The following ATP10A variants were observed in gnomAD, a reference collection of about 807,000 sequenced individuals.
ATP10A encodes phospholipid-transporting ATPase VA.
ATP10A carries 111 observed loss-of-function variants against 147.8 expected under a neutral mutation model. The observed-to-expected ratio is 0.75, with a 90% CI of 0.64 to 0.88. The LOEUF (loss-of-function observed/expected upper bound fraction) is 0.88. ATP10A is among the 40% of genes least tolerant of loss of function. The pLI, the probability that ATP10A is intolerant of heterozygous loss-of-function variation, is 0.00. For missense variants in ATP10A, 1,927 were observed against 1,959.0 expected (o/e 0.98, Z 0.31); for synonymous variants, 875 against 841.6 (o/e 1.04, Z -0.69).
At chr15:25,718,611 C>CT (rs1320409809) in intron 7 of ATP10A, among the ~76,000 whole-genome samples, 1 of 152,186 alleles carries the variant, frequency 6.6e-6, no homozygotes, top group Non-Finnish European at 1.5e-5. Flanking sequence ...TTCACAGAGA[C>CT]TGACTTTCAT....
At chr15:25,765,770 C>G (rs933354569) in intron 2 of ATP10A, among the ~76,000 whole-genome samples, 1 of 152,158 alleles carries the variant, frequency 6.6e-6, no homozygotes, top group East Asian at 1.9e-4. Flanking sequence ...AGACGCAAAC[C>G]CTTTTCTCTA....
intron 14 of ATP10A, 136 bp from the exon 15 acceptor site, chr15:25,691,927 G>A: frequency 3.2e-6 from 3 of 934,228 alleles, no homozygotes; most frequent in Non-Finnish European, 5.2e-6. Flanking sequence ...GGGGAAAAAG[G>A]AGTAGAGCAT....
chr15:25,736,461 A>AT (rs1403118822), intron 2 of ATP10A, among the ~76,000 whole-genome samples: 1 of 152,234 alleles, frequency 6.6e-6, no homozygotes. Flanking sequence ...AAAGGGATGA[A>AT]TGAGTTTTTT....
At chr15:25,761,931 G>A (rs1419780899) in intron 2 of ATP10A, among the ~76,000 whole-genome samples, 3 of 152,144 alleles carry the variant, frequency 2.0e-5, no homozygotes, top group Admixed American at 6.5e-5. Flanking sequence ...ATGTGAGGAC[G>A]TGAGATTTGG....
chr15:25,831,489 G>A (rs17116246), intron 1 of ATP10A, among the ~76,000 whole-genome samples: 24,009 of 152,178 alleles, frequency 0.16, 1,988 homozygotes, highest in Middle Eastern at 0.2. Context: ...GGCTTTTTGT[G>A]GAGTGTAAAT....
chr15:25,680,667 T>C (rs964673203), intron 19 of ATP10A, 143 bp downstream of exon 19: 3 of 807,620 alleles, frequency 3.7e-6, no homozygotes, highest in African/African-American at 1.7e-5. Flanking sequence ...GAATGTGTCA[T>C]TGTCCTTCTC....
chr15:25,759,348 T>C (rs1419991765), intron 2 of ATP10A, among the ~76,000 whole-genome samples: 1 of 152,188 alleles, frequency 6.6e-6, no homozygotes, highest in African/African-American at 2.4e-5. Context: ...TTGTGCAAGA[T>C]TAATCTCATG....
chr15:25,856,268 A>G (rs1597007241), intron 1 of ATP10A, among the ~76,000 whole-genome samples: 2 of 152,258 alleles, frequency 1.3e-5, no homozygotes, highest in South Asian at 4.2e-4. Context: ...AGTGAGTCTC[A>G]CGAGATCTGA....
chr15:25,707,854 C>A, intron 12 of ATP10A, 122 bp downstream of exon 12: 1 of 1,373,044 alleles, frequency 7.3e-7, no homozygotes, highest in East Asian at 2.5e-5. Context: ...CAGCGTCCTG[C>A]CAGGTGGCTC....
chr15:25,782,035 G>C (rs1220196497), intron 1 of ATP10A, among the ~76,000 whole-genome samples: 1 of 152,172 alleles, frequency 6.6e-6, no homozygotes, highest in Admixed American at 6.5e-5. Context: ...ACTCAGAATT[G>C]CTAGGAGGTA....
At chr15:25,729,439 C>T (rs1406557844) in intron 3 of ATP10A, among the ~76,000 whole-genome samples, 1 of 152,226 alleles carries the variant, frequency 6.6e-6, no homozygotes, top group Non-Finnish European at 1.5e-5. Flanking sequence ...ATTCAGGCGT[C>T]TGCATTTCTC....
chr15:25,721,639 C>T lies in ATP10A; in HGVS notation c.1363+18G>A. 6.2e-7 allele frequency: 1 copy of T among 1,605,792 alleles called. No individual in the cohort carries two copies. The highest frequency in any genetic ancestry group is 1.1e-5 in the South Asian group (1 of 90,210). On this transcript the variant is annotated intron_variant, in intron 7 of 20. Coordinates refer to ENST00000555815, the MANE Select transcript of ATP10A (RefSeq NM_024490.4). ...TCTGGTTCAGCCTGGGTTGGGAGCC[C>T]CGCACCCCCAGACTCACCATTTGCA...
intron 14 of ATP10A, among the ~76,000 whole-genome samples, chr15:25,693,856 C>G (rs1487320792): frequency 6.6e-6 from 1 of 152,226 alleles, no homozygotes; most frequent in African/African-American, 2.4e-5. Context: ...CTCCTCTGGC[C>G]AGGTGAGGTG....
At chr15:25,844,374 T>A (rs1892929800) in intron 1 of ATP10A, among the ~76,000 whole-genome samples, 1 of 152,146 alleles carries the variant, frequency 6.6e-6, no homozygotes, top group African/African-American at 2.4e-5. Context: ...TAAAAGGGAA[T>A]TTTATGGGTC....
chr15:25,682,526 C>T (rs1899479265), intron 17 of ATP10A, among the ~76,000 whole-genome samples: 1 of 152,108 alleles, frequency 6.6e-6, no homozygotes, highest in South Asian at 2.1e-4. Context: ...AGGACACACT[C>T]CCAGCGTCTT....
At chr15:25,694,229 A>G (rs1900186879) in intron 14 of ATP10A, among the ~76,000 whole-genome samples, 2 of 152,224 alleles carry the variant, frequency 1.3e-5, no homozygotes. Flanking sequence ...GTCTGCCAGG[A>G]AAAACCACCA....
At chr15:25,783,518 C>A (rs1327828151) in intron 1 of ATP10A, among the ~76,000 whole-genome samples, 3 of 152,044 alleles carry the variant, frequency 2.0e-5, no homozygotes, top group Non-Finnish European at 4.4e-5. Flanking sequence ...AGGAAACCAT[C>A]GGCTGCCCTA....
rs143917306 is a variant in ATP10A at position 25,700,694 on chromosome 15, C to T, written c.2760+1222G>A. ...GAAAAGGAGGGAAGTTACAATTGCA[C>T]GGGGGTAGCATGGCAGACTTTCTGG... On this transcript the variant is annotated intron_variant, in intron 13 of 20. Coordinates refer to ENST00000555815, the MANE Select transcript of ATP10A (RefSeq NM_024490.4). Among the ~76,000 whole-genome samples the T allele has an allele frequency of 4.0e-3, 604 of 152,114 alleles. 3 individuals carry two copies. Among genetic ancestry groups the T allele is most frequent in the South Asian group, 9.6e-3 (46 of 4,812 alleles).
chr15:25,751,336 C>A (rs558557502), intron 2 of ATP10A, among the ~76,000 whole-genome samples: 1 of 152,182 alleles, frequency 6.6e-6, no homozygotes, highest in South Asian at 2.1e-4. Context: ...TTCAGTAGCC[C>A]TTTACAATAA....
Sources: gnomAD v4.1 joint callset for allele counts (sites outside exome capture counted in the v4.1 genomes callset) on GRCh38, gnomAD v4.1.1 for gene constraint, MANE v1.5 for transcripts, NCBI Gene and HGNC (gene_info 2026-07-23, HGNC 2026-07-21) for gene names.